FAM135B: variants seen among roughly 807,000 people sequenced by gnomAD.
FAM135B encodes the protein protein FAM135B.
A neutral mutation model predicts 127.7 loss-of-function variants in FAM135B; 43 were observed. The ratio of observed to expected loss-of-function variants is 0.34; its 90% CI spans 0.26 to 0.43. The LOEUF (loss-of-function observed/expected upper bound fraction) is 0.43, where lower values mean the gene tolerates loss of function less well. Ranked by LOEUF, FAM135B falls within the 20% of genes least tolerant of loss-of-function variation. The pLI is 1.00. For missense variants in FAM135B, 1,558 were observed against 1,725.6 expected (o/e 0.90, Z 1.72); for synonymous variants, 670 against 665.1 (o/e 1.01, Z -0.11).
intron 5 of FAM135B, among the ~76,000 whole-genome samples, chr8:138,255,921 A>AG (rs1459896028): frequency 6.6e-6 from 1 of 152,152 alleles, no homozygotes; most frequent in Non-Finnish European, 1.5e-5. Context: ...TGGGAAAGAA[A>AG]GGGGGGATAT....
At chr8:138,425,964 C>CATATATATATATATATATATAT (rs11271386) in intron 1 of FAM135B, among the ~76,000 whole-genome samples, 4 of 109,996 alleles carry the variant, frequency 3.6e-5, no homozygotes, top group Non-Finnish European at 5.6e-5. Context: ...GCCAGGCCAA[C>CATATATATATATATATATATAT]ATATATATAT....
intron 1 of FAM135B, among the ~76,000 whole-genome samples, chr8:138,420,883 C>G (rs569044822): frequency 5.9e-5 from 9 of 152,194 alleles, no homozygotes; most frequent in Non-Finnish European, 1.2e-4. Flanking sequence ...TACAAGCCAA[C>G]ATAATTCTGA....
In FAM135B at chr8:138,292,559, T is replaced by C. The variant is rs564307351; in HGVS notation, c.157+18282A>G. 2.6e-5 allele frequency among the ~76,000 whole-genome samples: 4 copies of C among 152,260 alleles called. No homozygotes were observed. In the South Asian group the frequency reaches 8.3e-4, roughly 32 times the overall value. On this transcript the variant is annotated intron_variant, in intron 3 of 19. Coordinates refer to ENST00000395297, the MANE Select transcript of FAM135B (RefSeq NM_015912.4). ...AATGGACATACTGCCCAAAACCATTTAGAGATTAAATGCTATTCCTATTAA... is the reference window on the plus strand; with the variant it reads ...AATGGACATACTGCCCAAAACCATTCAGAGATTAAATGCTATTCCTATTAA...
chr8:138,195,652 A>C (rs933663100), intron 8 of FAM135B, among the ~76,000 whole-genome samples: 1 of 152,084 alleles, frequency 6.6e-6, no homozygotes, highest in Non-Finnish European at 1.5e-5. Context: ...ACACACACAC[A>C]CACACAAACA....
chr8:138,312,349 C>G (rs1443812615), intron 2 of FAM135B, among the ~76,000 whole-genome samples: 2 of 152,144 alleles, frequency 1.3e-5, no homozygotes. Flanking sequence ...AACAAAAGCT[C>G]TAACTGTATA....
At chr8:138,278,117 A>T (rs1204379242) in intron 3 of FAM135B, among the ~76,000 whole-genome samples, 2 of 152,026 alleles carry the variant, frequency 1.3e-5, no homozygotes, top group Admixed American at 6.5e-5. Context: ...CCTCTGCACC[A>T]AGACGTTGAT....
At position 138,205,166 on chromosome 8, in the gene FAM135B, G is replaced by A. The variant is rs76417402; in HGVS notation, c.670-7497C>T. Among the ~76,000 whole-genome samples, 419 of 152,304 alleles carry A rather than the reference G, an allele frequency of 2.8e-3. 1 individual carries two copies. The highest frequency in any genetic ancestry group is 9.7e-3 in the African/African-American group (404 of 41,564). On this transcript the variant is annotated intron_variant, in intron 7 of 19. Transcript: ENST00000395297. ...AAATGTCAGGAATTAAGTGCTTTAT[G>A]TGTATTAAGCATTTAATTCTCTTGC...
At chr8:138,178,007 G>A (rs1001736980) in intron 10 of FAM135B, among the ~76,000 whole-genome samples, 1 of 152,176 alleles carries the variant, frequency 6.6e-6, no homozygotes, top group Non-Finnish European at 1.5e-5. Flanking sequence ...CACTCTGGGA[G>A]GCTGAGGCGG....
Position 138,138,675 on chromosome 8 carries a change from C to T in FAM135B, c.3901+311G>A, listed in dbSNP as rs533942025. 1.3e-3 allele frequency among the ~76,000 whole-genome samples: 202 copies of T among 152,332 alleles called. 1 individual carries two copies. Among genetic ancestry groups the T allele is most frequent in the Middle Eastern group, 0.01 (3 of 294 alleles). The stretch of plus-strand genomic sequence containing the variant: ...GGCCTGTACCTGGGTGAAGCTGGCA[C>T]ACAGATCTTAGGCCTATGCAATGAG... On this transcript the variant is annotated intron_variant, in intron 18 of 19. Transcript: ENST00000395297.
At chr8:138,193,913 G>T (rs991237900) in intron 9 of FAM135B, among the ~76,000 whole-genome samples, 1 of 152,216 alleles carries the variant, frequency 6.6e-6, no homozygotes, top group African/African-American at 2.4e-5. Flanking sequence ...GCATGGCTTT[G>T]ACGCTTCTGG....
chr8:138,279,193 G>A (rs575798041), intron 3 of FAM135B, among the ~76,000 whole-genome samples: 87 of 152,300 alleles, frequency 5.7e-4, no homozygotes, highest in Non-Finnish European at 1.0e-3. Flanking sequence ...CAGTGCCACA[G>A]GCAGAGTAAT....
At chr8:138,177,707 T>G (rs1054509043) in intron 10 of FAM135B, among the ~76,000 whole-genome samples, 7 of 152,200 alleles carry the variant, frequency 4.6e-5, no homozygotes, top group Non-Finnish European at 1.5e-5. Context: ...TCTTATTTAT[T>G]CTACTAGAAT....
chr8:138,142,551 G>A (rs374476614), intron 16 of FAM135B, among the ~76,000 whole-genome samples: 18 of 151,982 alleles, frequency 1.2e-4, no homozygotes, highest in South Asian at 6.3e-4. Flanking sequence ...TGATCCGCCC[G>A]CCTCAGCCTC....
chr8:138,195,375 T>G, intron 8 of FAM135B, 68 bp from the exon 9 acceptor site: 1 of 1,506,258 alleles, frequency 6.6e-7, no homozygotes, highest in Non-Finnish European at 9.2e-7. Flanking sequence ...GCTAATTAAA[T>G]GAAAAAGCAA....
chr8:138,390,329 G>T (rs1832477327), intron 1 of FAM135B, among the ~76,000 whole-genome samples: 2 of 152,118 alleles, frequency 1.3e-5, no homozygotes, highest in Non-Finnish European at 2.9e-5. Flanking sequence ...TAGTGAATAA[G>T]TCCCAGGAGA....
chr8:138,467,058 A>T (rs939932677), intron 1 of FAM135B, among the ~76,000 whole-genome samples: 12 of 152,330 alleles, frequency 7.9e-5, no homozygotes, highest in South Asian at 2.1e-4. Flanking sequence ...CACTCAAAAA[A>T]ACAAACTCCG....
intron 1 of FAM135B, among the ~76,000 whole-genome samples, chr8:138,492,452 A>G (rs1376604101): frequency 6.6e-6 from 1 of 151,962 alleles, no homozygotes; most frequent in Non-Finnish European, 1.5e-5. Context: ...AGGCCATAAA[A>G]TCTTTGTTGG....
At chr8:138,482,641 CAT>C (rs1814828481) in intron 1 of FAM135B, among the ~76,000 whole-genome samples, 1 of 152,038 alleles carries the variant, frequency 6.6e-6, no homozygotes, top group Non-Finnish European at 1.5e-5. Context: ...AAATGTTTTT[CAT>C]ATGTTAACTC....
chr8:138,367,237 G>C (rs186450544), intron 2 of FAM135B: 193 of 342,930 alleles, frequency 5.6e-4, no homozygotes, highest in African/African-American at 3.8e-3. Flanking sequence ...TTGTGTGTCA[G>C]TAACATGTCA....
Sources: gnomAD v4.1 joint callset for allele counts (sites outside exome capture counted in the v4.1 genomes callset) on GRCh38, gnomAD v4.1.1 for gene constraint, MANE v1.5 for transcripts, NCBI Gene and HGNC (gene_info 2026-07-23, HGNC 2026-07-21) for gene names.